Variants in HDAC9 observed in about 807,000 individuals in gnomAD.
The protein encoded by HDAC9 is histone deacetylase 9.
Under a neutral mutation model 139.4 loss-of-function variants are expected in HDAC9, and 41 were observed. The observed-to-expected ratio is 0.29, with a 90% CI of 0.23 to 0.38. The LOEUF (loss-of-function observed/expected upper bound fraction) is 0.38. Among genes scored for constraint, HDAC9 ranks in the 10% least tolerant of loss-of-function variants. The pLI is 1.00. For synonymous variants in HDAC9, 517 were observed against 476.2 expected (o/e 1.09, Z -1.12); for missense variants, 1,147 against 1,297.0 (o/e 0.88, Z 1.78).
At chr7:18,517,454 C>T (rs1029787391) in intron 2 of HDAC9, among the ~76,000 whole-genome samples, 3 of 152,116 alleles carry the variant, frequency 2.0e-5, no homozygotes, top group Admixed American at 2.0e-4. Flanking sequence ...TTGTGTGATG[C>T]GAGAGCTGCC....
intron 1 of HDAC9, among the ~76,000 whole-genome samples, chr7:18,477,740 A>G (rs1028046979): frequency 6.6e-6 from 1 of 152,218 alleles, no homozygotes; most frequent in African/African-American, 2.4e-5. Flanking sequence ...TTCACAAATT[A>G]TATTTATCAC....
chr7:18,368,317 G>A (rs1196875369), intron 1 of HDAC9, among the ~76,000 whole-genome samples: 1 of 151,792 alleles, frequency 6.6e-6, no homozygotes, highest in Non-Finnish European at 1.5e-5. Context: ...GGATTTTTTT[G>A]TGTTTGGTAT....
At chr7:18,589,350 A>T (rs1332395641) in intron 3 of HDAC9, among the ~76,000 whole-genome samples, 1 of 152,074 alleles carries the variant, frequency 6.6e-6, no homozygotes, top group Admixed American at 6.6e-5. Flanking sequence ...ACATGGCAAG[A>T]CTTTGTCTCC....
chr7:18,257,459 G>A (rs58541251), intron 2 of HDAC9, among the ~76,000 whole-genome samples: 4,810 of 146,496 alleles, frequency 0.033, 277 homozygotes, highest in African/African-American at 0.12. Context: ...AGAAAAAGTA[G>A]CATAAATTAA....
chr7:18,666,778 T>C, intron 12 of HDAC9: 3 of 1,151,736 alleles, frequency 2.6e-6, no homozygotes, highest in Non-Finnish European at 3.2e-6. Context: ...TTTAAATTTA[T>C]CCCAAAGCCT....
At chr7:18,257,643 A>G (rs761973110) in intron 2 of HDAC9, among the ~76,000 whole-genome samples, 34 of 152,162 alleles carry the variant, frequency 2.2e-4, no homozygotes, top group Non-Finnish European at 4.6e-4. Flanking sequence ...ACTCAGAAAG[A>G]GCACAACCCT....
At chr7:18,326,688 ACT>A (rs924902600) in intron 1 of HDAC9, among the ~76,000 whole-genome samples, 17 of 151,882 alleles carry the variant, frequency 1.1e-4, no homozygotes, top group African/African-American at 4.1e-4. Flanking sequence ...ATTTTTAAAA[ACT>A]CTATTAGTGC....
chr7:18,838,654 G>C (rs1340970233), intron 21 of HDAC9, among the ~76,000 whole-genome samples: 1 of 152,024 alleles, frequency 6.6e-6, no homozygotes, highest in Non-Finnish European at 1.5e-5. Context: ...TATTTTCTAA[G>C]CTTATCCTTA....
intron 13 of HDAC9, among the ~76,000 whole-genome samples, chr7:18,732,656 C>T (rs1250786355): frequency 1.0e-4 from 11 of 108,716 alleles, no homozygotes; most frequent in African/African-American, 4.0e-4. Flanking sequence ...TGTATATATA[C>T]ACACACACGT....
intron 1 of HDAC9, among the ~76,000 whole-genome samples, chr7:18,473,832 G>T (rs1490893256): frequency 1.3e-5 from 2 of 152,182 alleles, no homozygotes; most frequent in Non-Finnish European, 1.5e-5. Flanking sequence ...AAATAGTTCA[G>T]AAATCAAACC....
chr7:18,172,916 A>C (rs546445723), intron 2 of HDAC9, among the ~76,000 whole-genome samples: 2 of 152,306 alleles, frequency 1.3e-5, no homozygotes, highest in East Asian at 1.9e-4. Flanking sequence ...GTTGAGAAGA[A>C]TGTATATTCT....
intron 1 of HDAC9, among the ~76,000 whole-genome samples, chr7:18,114,662 C>G (rs1730029455): frequency 6.6e-6 from 1 of 152,090 alleles, no homozygotes; most frequent in African/African-American, 2.4e-5. Flanking sequence ...GGAAGTAACC[C>G]CAGACTTGAA....
chr7:18,700,930 A>T (rs115543502), intron 12 of HDAC9, among the ~76,000 whole-genome samples: 2,245 of 152,212 alleles, frequency 0.015, 37 homozygotes, highest in African/African-American at 0.051. Context: ...CAGGGTTATC[A>T]TGGGAGGGAG....
At chr7:18,291,744 C>T (rs1374808134) in intron 1 of HDAC9, among the ~76,000 whole-genome samples, 1 of 152,158 alleles carries the variant, frequency 6.6e-6, no homozygotes, top group East Asian at 1.9e-4. Context: ...CCCACCAGCT[C>T]TGAATTAATT....
At chr7:18,489,268 C>T (rs1796195087) in intron 1 of HDAC9, among the ~76,000 whole-genome samples, 1 of 151,888 alleles carries the variant, frequency 6.6e-6, no homozygotes, top group East Asian at 1.9e-4. Context: ...GTAAATAATT[C>T]AACATTTAAT....
intron 25 of HDAC9, among the ~76,000 whole-genome samples, chr7:18,990,714 G>C (rs1002422247): frequency 1.3e-5 from 2 of 152,252 alleles, no homozygotes; most frequent in Admixed American, 1.3e-4. Flanking sequence ...TGTGGGCGTA[G>C]GACCCTCCGA....
chr7:18,223,386 G>A (rs190946926), intron 2 of HDAC9, among the ~76,000 whole-genome samples: 425 of 150,534 alleles, frequency 2.8e-3, no homozygotes, highest in Non-Finnish European at 3.9e-3. Flanking sequence ...TAAAAACCCC[G>A]GTCAATTTTT....
intron 21 of HDAC9, among the ~76,000 whole-genome samples, chr7:18,871,731 A>G (rs12700005): frequency 0.034 from 5,211 of 152,226 alleles, 203 homozygotes; most frequent in African/African-American, 0.092. Flanking sequence ...TTTCAGACAC[A>G]ATAGATCTTT....
At chr7:18,718,147 C>A (rs923354417) in intron 12 of HDAC9, among the ~76,000 whole-genome samples, 16 of 152,170 alleles carry the variant, frequency 1.1e-4, no homozygotes, top group African/African-American at 3.6e-4. Flanking sequence ...CAACCCTAGG[C>A]AACCACTAGT....
Sources: allele counts gnomAD v4.1 joint callset (sites outside exome capture counted in the v4.1 genomes callset), GRCh38; gene constraint gnomAD v4.1.1; transcripts MANE v1.5; gene names NCBI Gene and HGNC (gene_info 2026-07-23, HGNC 2026-07-21).